Variants in STAT3 observed in about 807,000 individuals in gnomAD.
STAT3 encodes DNA-binding protein APRF.
In STAT3, 7 loss-of-function variants were observed where a neutral mutation model predicts 114.3. The ratio of observed to expected loss-of-function variants is 0.06; its 90% CI spans 0.03 to 0.11. STAT3 has a LOEUF of 0.11. Ranked by LOEUF, STAT3 falls within the 10% of genes least tolerant of loss-of-function variation. The probability of loss-of-function intolerance (pLI) is 1.00; values close to 1 mark genes in which losing one functional copy is unlikely to be tolerated. For synonymous variants in STAT3, 331 were observed against 354.5 expected, an observed-to-expected ratio of 0.93 and a Z score of 0.74; for missense variants, 364 against 960.9, an observed-to-expected ratio of 0.38 and a Z score of 8.21.
intron 1 of STAT3, among the ~76,000 whole-genome samples, chr17:42,350,179 A>G (rs1337738426): frequency 6.6e-6 from 1 of 152,212 alleles, no homozygotes; most frequent in Non-Finnish European, 1.5e-5. Context: ...TGAGAGACTG[A>G]ACACACGCAA....
intron 5 of STAT3, 92 bp from the exon 6 acceptor site, chr17:42,338,904 G>A: frequency 8.4e-7 from 1 of 1,187,472 alleles, no homozygotes; most frequent in Non-Finnish European, 1.2e-6. Flanking sequence ...TTCAAATGAA[G>A]CCAAAACCTC....
chr17:42,345,694 C>G, intron 3 of STAT3, 37 bp from the exon 4 acceptor site: 1 of 1,548,266 alleles, frequency 6.5e-7, no homozygotes, highest in Non-Finnish European at 8.8e-7. Flanking sequence ...AAATCAGCAG[C>G]AGACCATGGA....
At chr17:42,356,422 T>C (rs2083228515) in intron 1 of STAT3, among the ~76,000 whole-genome samples, 2 of 151,794 alleles carry the variant, frequency 1.3e-5, no homozygotes, top group African/African-American at 4.8e-5. Flanking sequence ...ACCACTGTAC[T>C]CCAGCTTGGG....
chr17:42,361,545 T>A (rs894940159), intron 1 of STAT3, among the ~76,000 whole-genome samples: 2 of 152,030 alleles, frequency 1.3e-5, no homozygotes, highest in African/African-American at 4.8e-5. Flanking sequence ...ATAAATTTTT[T>A]CGTGATCATT....
At chr17:42,358,118 T>C (rs1223857812) in intron 1 of STAT3, among the ~76,000 whole-genome samples, 1 of 152,070 alleles carries the variant, frequency 6.6e-6, no homozygotes, top group African/African-American at 2.4e-5. Flanking sequence ...TTTGAATATA[T>C]GAAAGAAGTA....
chr17:42,319,541 CAAAAAAAAAAAAAAAA>C (rs552897255), intron 21 of STAT3, among the ~76,000 whole-genome samples: 1 of 43,846 alleles, frequency 2.3e-5, no homozygotes, highest in Non-Finnish European at 3.8e-5. Context: ...GACTCAGGCT[CAAAAAAAAAAAAAAAA>C]AAAAAAAAAA....
intron 11 of STAT3, 136 bp downstream of exon 11, chr17:42,331,336 A>C: frequency 1.3e-6 from 1 of 784,304 alleles, no homozygotes; most frequent in Non-Finnish European, 2.1e-6. Context: ...AATGCACCCC[A>C]AGGCTTTTGA....
At chr17:42,343,967 A>G (rs1321200934) in intron 4 of STAT3, among the ~76,000 whole-genome samples, 1 of 152,034 alleles carries the variant, frequency 6.6e-6, no homozygotes, top group Non-Finnish European at 1.5e-5. Context: ...CAATATTTGT[A>G]CCCTCATTTC....
intron 14 of STAT3, among the ~76,000 whole-genome samples, chr17:42,328,028 C>G (rs2144748901): frequency 7.1e-6 from 1 of 140,116 alleles, no homozygotes; most frequent in East Asian, 2.1e-4. Flanking sequence ...TAGAACGAGA[C>G]TCCGACTCAA....
At chr17:42,342,838 G>A (rs554418919) in intron 4 of STAT3, among the ~76,000 whole-genome samples, 39 of 151,910 alleles carry the variant, frequency 2.6e-4, no homozygotes, top group South Asian at 4.2e-4. Flanking sequence ...TGTCTTCCCC[G>A]ACCCAATCAG....
In STAT3 at chr17:42,337,523, C is replaced by T. The variant is rs376677265; in HGVS notation, c.709G>A (p.Asp237Asn). 5 of 1,614,102 alleles carry T rather than the reference C, an allele frequency of 3.1e-6. No homozygotes were observed. The highest frequency in any genetic ancestry group is 4.2e-6 in the Non-Finnish European group (5 of 1,180,056). ...CTCTTCCAGTCAGCCAGCTCCTCGT[C>T]CGTGAGAGTTTTCTGCACGTACTCC... is the stretch of plus-strand genomic sequence containing the variant. ...AMEYVQKTLT[D>N]EELADWKRRQ... The change falls in exon 8 of 24, where the codon GAC (aspartate) becomes AAC (asparagine). Residue 237 changes from aspartate to asparagine, a missense_variant. By Grantham distance (23) the Asp-to-Asn change is conservative (BLOSUM62 1). Around this residue, in one of 5 missense-constraint regions of STAT3, gnomAD observed 294 missense variants for 745.1 expected, o/e 0.39. Transcript: ENST00000264657. The surrounding 1 kb of genome is among the most constrained non-coding windows in gnomAD (Gnocchi z 4.0).
chr17:42,316,455 G>T, intron 23 of STAT3: 1 of 436,224 alleles, frequency 2.3e-6, no homozygotes, highest in Non-Finnish European at 4.3e-6. Context: ...CTGACCTCAA[G>T]TGATCCACCC....
intron 1 of STAT3, among the ~76,000 whole-genome samples, chr17:42,357,768 A>G (rs1441186787): frequency 1.3e-5 from 2 of 152,220 alleles, no homozygotes; most frequent in Non-Finnish European, 2.9e-5. Context: ...CTAGACATTA[A>G]GAATGGAATT....
chr17:42,356,981 C>T lies in STAT3; in HGVS notation c.-23-8442G>A, dbSNP rs992578859. Among the ~76,000 whole-genome samples, 4 of 151,952 alleles carry T rather than the reference C, an allele frequency of 2.6e-5. No individual in the cohort carries two copies. The East Asian group carries it at 5.8e-4, about 22-fold the overall frequency. On this transcript the variant is annotated intron_variant, in intron 1 of 23. Transcript: ENST00000264657. ...TTTTGTATTTTTAGTAGAGACGGCG[C>T]TTCACCATGTTGGCCAGGCTTGTCT...
At chr17:42,371,205 CAG>C (rs1260146473) in intron 1 of STAT3, among the ~76,000 whole-genome samples, 1 of 151,966 alleles carries the variant, frequency 6.6e-6, no homozygotes, top group Non-Finnish European at 1.5e-5. Context: ...CACAAACTTG[CAG>C]AGAGAAAAGT....
chr17:42,348,412 G>C lies in STAT3; in HGVS notation c.105C>G (p.Ala35=). The C allele has an allele frequency of 1.9e-6, 3 of 1,614,074 alleles. No homozygotes were observed. Among genetic ancestry groups the C allele is most frequent in the Non-Finnish European group, 2.5e-6 (3 of 1,180,024 alleles). The change falls in exon 2 of 24, where the codon GCC becomes GCG. Residue 35 remains alanine, a synonymous_variant. Coordinates refer to ENST00000264657, the MANE Select transcript of STAT3 (RefSeq NM_139276.3). The part of the protein sequence containing the change: ...SFPMELRQFL[A]PWIESQDWAY... ...ACCAATCTTGACTCTCAATCCAAGG[G>C]GCCAGAAACTGCCGCAGCTCCATTG...
chr17:42,348,262 C>T (rs962073750), intron 2 of STAT3, 127 bp downstream of exon 2: 1 of 1,381,044 alleles, frequency 7.2e-7, no homozygotes, highest in Non-Finnish European at 1.0e-6. Context: ...ATCTCCTGAT[C>T]TCATTTTCCC....
chr17:42,329,240 T>C (rs1178900400), intron 14 of STAT3, among the ~76,000 whole-genome samples, 170 bp downstream of exon 14: 1 of 152,250 alleles, frequency 6.6e-6, no homozygotes, highest in Non-Finnish European at 1.5e-5. Context: ...GAGAGCTCCA[T>C]GGCACATGGA....
intron 4 of STAT3, among the ~76,000 whole-genome samples, chr17:42,340,501 T>C (rs2082399925): frequency 6.7e-6 from 1 of 148,616 alleles, no homozygotes. Flanking sequence ...AGACCTCATC[T>C]CAACCAAAAA....
Sources: allele counts gnomAD v4.1 joint callset (sites outside exome capture counted in the v4.1 genomes callset), GRCh38; gene constraint gnomAD v4.1.1; regional missense constraint gnomAD v4.1.1; non-coding constraint Gnocchi (gnomAD v3.1); transcripts MANE v1.5; gene names NCBI Gene and HGNC (gene_info 2026-07-23, HGNC 2026-07-21).